Variants in PHF21A observed in about 807,000 individuals in gnomAD.
PHF21A encodes the protein BHC80a.
Under a neutral mutation model 82.5 loss-of-function variants are expected in PHF21A, and 11 were observed. That is an observed-to-expected ratio of 0.13 (90% confidence interval 0.08 to 0.22). The LOEUF (loss-of-function observed/expected upper bound fraction) is 0.22, where lower values mean the gene tolerates loss of function less well. PHF21A is among the 10% of genes least tolerant of loss of function. PHF21A has a pLI of 1.00. For synonymous variants in PHF21A, 297 were observed against 302.8 expected (o/e 0.98, Z 0.20); for missense variants, 579 against 837.8 (o/e 0.69, Z 3.81).
chr11:45,996,515 G>C (rs1050285021), intron 6 of PHF21A, among the ~76,000 whole-genome samples: 3 of 150,102 alleles, frequency 2.0e-5, no homozygotes, highest in Admixed American at 2.0e-4. Context: ...GAGAGACAGA[G>C]AGAGAGAGAG....
chr11:46,035,604 A>G (rs1428463004), intron 6 of PHF21A, among the ~76,000 whole-genome samples: 1 of 152,244 alleles, frequency 6.6e-6, no homozygotes, highest in Non-Finnish European at 1.5e-5. Context: ...AATAAGGTAC[A>G]CTAGGGTAAA....
chr11:46,054,666 T>C (rs775786830), intron 6 of PHF21A, among the ~76,000 whole-genome samples: 1 of 152,200 alleles, frequency 6.6e-6, no homozygotes, highest in Non-Finnish European at 1.5e-5. Flanking sequence ...AAATCATTAC[T>C]ATTCAAATCA....
intron 15 of PHF21A, among the ~76,000 whole-genome samples, chr11:45,942,592 C>T (rs917262141): frequency 3.3e-5 from 5 of 152,154 alleles, no homozygotes; most frequent in African/African-American, 7.2e-5. Flanking sequence ...GTCAGGAAAG[C>T]GAGACAAAAT....
rs1157585207 is a variant in PHF21A at position 45,930,170 on chromosome 11, C to A, written c.*3798G>T. 1 of 152,338 alleles carries A rather than the reference C, an allele frequency of 6.6e-6. No individual in the cohort carries two copies. Among genetic ancestry groups the A allele is most frequent in the Non-Finnish European group, 1.5e-5 (1 of 68,112 alleles). 9.4% of individuals were successfully genotyped at this position (152,338 alleles called of 1,614,324 possible). ...AGAGTGTGTGTGAGCTGGGAGGTGA[C>A]AGCCCAAGGGAGGCTCTGATGGCCC... is the stretch of plus-strand genomic sequence containing the variant. On this transcript the variant is annotated 3_prime_UTR_variant, in exon 19 of 19. Coordinates refer to ENST00000676320, the MANE Select transcript of PHF21A (RefSeq NM_001352027.3).
At chr11:46,077,652 A>G (rs7397035) in intron 5 of PHF21A, among the ~76,000 whole-genome samples, 137,241 of 152,164 alleles carry the variant, frequency 0.9, 62,058 homozygotes, top group East Asian at 1. Context: ...GGTTTACTCC[A>G]TGTGGACTTT....
At chr11:45,980,811 T>C (rs954393378) in intron 6 of PHF21A, among the ~76,000 whole-genome samples, 3 of 152,192 alleles carry the variant, frequency 2.0e-5, no homozygotes, top group African/African-American at 7.2e-5. Flanking sequence ...TAATATGCCA[T>C]ATAAACAACA....
chr11:46,060,903 G>A (rs1354734901), intron 6 of PHF21A, among the ~76,000 whole-genome samples: 1 of 152,130 alleles, frequency 6.6e-6, no homozygotes, highest in Non-Finnish European at 1.5e-5. Context: ...TGTCCTGAAT[G>A]GTATTGCTGA....
intron 1 of PHF21A, among the ~76,000 whole-genome samples, chr11:46,111,475 CAAATAAATAAAT>C (rs572155929): frequency 1.3e-5 from 2 of 151,652 alleles, no homozygotes; most frequent in Non-Finnish European, 2.9e-5. Context: ...GACTCCGTCT[CAAATAAATAAAT>C]AAATAAATAA....
intron 6 of PHF21A, among the ~76,000 whole-genome samples, chr11:46,045,721 A>C (rs1269015954): frequency 6.6e-6 from 1 of 152,196 alleles, no homozygotes; most frequent in Non-Finnish European, 1.5e-5. Context: ...TCTGTTCTCT[A>C]AAACACGTAG....
intron 10 of PHF21A, among the ~76,000 whole-genome samples, chr11:45,961,156 A>G (rs879936798): frequency 1.3e-5 from 2 of 152,210 alleles, no homozygotes; most frequent in Non-Finnish European, 2.9e-5. Context: ...TGTTTCACTC[A>G]CTTACATCTC....
intron 6 of PHF21A, among the ~76,000 whole-genome samples, chr11:45,989,173 T>C (rs1299028821): frequency 2.0e-5 from 3 of 152,294 alleles, no homozygotes; most frequent in African/African-American, 7.2e-5. Flanking sequence ...CACTTCTCTG[T>C]ATTTATCTGA....
At chr11:45,956,908 T>C (rs1369847561) in intron 10 of PHF21A, among the ~76,000 whole-genome samples, 1 of 152,144 alleles carries the variant, frequency 6.6e-6, no homozygotes, top group Non-Finnish European at 1.5e-5. Context: ...AATGATATGC[T>C]GTAAGAGAGA....
intron 16 of PHF21A, 56 bp from the exon 17 acceptor site, chr11:45,936,625 A>G (rs1278959606): frequency 2.7e-6 from 3 of 1,107,542 alleles, no homozygotes; most frequent in African/African-American, 1.5e-5. Context: ...CACATCCTCT[A>G]TGTAACAGCT....
At chr11:45,943,512 G>T (rs1332582642) in intron 15 of PHF21A, among the ~76,000 whole-genome samples, 1 of 152,100 alleles carries the variant, frequency 6.6e-6, no homozygotes, top group Non-Finnish European at 1.5e-5. Flanking sequence ...AACTGCAAAA[G>T]CCTCCTAACT....
chr11:46,058,456 T>C (rs1207046295), intron 6 of PHF21A, among the ~76,000 whole-genome samples: 3 of 152,220 alleles, frequency 2.0e-5, no homozygotes, highest in South Asian at 4.1e-4. Context: ...AGGACTGATA[T>C]ATTCTCAGCA....
At chr11:46,002,548 G>A (rs892671934) in intron 6 of PHF21A, among the ~76,000 whole-genome samples, 1 of 151,962 alleles carries the variant, frequency 6.6e-6, no homozygotes, top group Admixed American at 6.6e-5. Context: ...ATTCACACAT[G>A]GCCTTTTTCA....
chr11:46,081,414 T>C (rs766173265), intron 4 of PHF21A, among the ~76,000 whole-genome samples: 8 of 152,264 alleles, frequency 5.3e-5, no homozygotes, highest in Non-Finnish European at 2.9e-5. Context: ...ATTTTCCTTT[T>C]TGATTTGGTT....
intron 7 of PHF21A, among the ~76,000 whole-genome samples, chr11:45,976,908 T>A (rs909234870): frequency 4.9e-4 from 75 of 152,288 alleles, no homozygotes; most frequent in African/African-American, 1.8e-3. Flanking sequence ...ACTCAGAGGA[T>A]CCTTTTGGTT....
chr11:46,004,662 C>T (rs1465893784), intron 6 of PHF21A, among the ~76,000 whole-genome samples: 1 of 152,150 alleles, frequency 6.6e-6, no homozygotes, highest in African/African-American at 2.4e-5. Flanking sequence ...GTTTGCATAG[C>T]ACAGACTATT....
Sources: allele counts gnomAD v4.1 joint callset (sites outside exome capture counted in the v4.1 genomes callset), GRCh38; gene constraint gnomAD v4.1.1; transcripts MANE v1.5; gene names NCBI Gene and HGNC (gene_info 2026-07-23, HGNC 2026-07-21).